Variants in ABLIM1 observed in about 807,000 individuals in gnomAD.
ABLIM1 encodes actin binding LIM protein 1.
ABLIM1 carries 40 observed loss-of-function variants against 107.0 expected under a neutral mutation model. The ratio of observed to expected loss-of-function variants is 0.37; its 90% CI spans 0.29 to 0.49. The LOEUF (loss-of-function observed/expected upper bound fraction) is 0.49. ABLIM1 is among the 20% of genes least tolerant of loss of function. ABLIM1 has a pLI of 0.97. For missense variants in ABLIM1, 857 were observed against 1,008.5 expected (o/e 0.85, Z 2.04); for synonymous variants, 357 against 357.3 (o/e 1.00, Z 0.01).
intron 5 of ABLIM1, among the ~76,000 whole-genome samples, chr10:114,546,399 T>C (rs2067348109): frequency 6.6e-6 from 1 of 151,180 alleles, no homozygotes; most frequent in Admixed American, 6.6e-5. Context: ...GTTCAAGCAA[T>C]TCTCCTGTCT....
chr10:114,592,588 G>A (rs1052345738), intron 2 of ABLIM1, among the ~76,000 whole-genome samples: 1 of 152,082 alleles, frequency 6.6e-6, no homozygotes, highest in African/African-American at 2.4e-5. Flanking sequence ...AAAGTGGGGT[G>A]GGACTGTGGG....
At chr10:114,663,038 C>A (rs1453888446), upstream of ABLIM1, among the ~76,000 whole-genome samples, 2 of 152,210 alleles carry the variant, frequency 1.3e-5, no homozygotes, top group Non-Finnish European at 2.9e-5. Flanking sequence ...AGTTGCTGCC[C>A]ACACATCACA....
chr10:114,516,861 GCAAAC>G (rs1260844648), intron 6 of ABLIM1, among the ~76,000 whole-genome samples: 13 of 152,176 alleles, frequency 8.5e-5, no homozygotes, highest in African/African-American at 2.9e-4. Context: ...TATCAGATAT[GCAAAC>G]ACTCTTCTCA....
rs115371742 is a variant in ABLIM1 at position 114,446,678 on chromosome 10, C to A, written c.1735+1202G>T. The stretch of plus-strand genomic sequence containing the variant: ...TAAATTCAACAACAAAAACTTAATT[C>A]TCCCTCTTTCCAAAATGTAGCTGCT... On this transcript the variant is annotated intron_variant, in intron 15 of 22. Transcript: ENST00000533213. Among the ~76,000 whole-genome samples the A allele has an allele frequency of 6.5e-3, 995 of 152,268 alleles. 12 individuals are homozygous for A. Among genetic ancestry groups the A allele is most frequent in the African/African-American group, 0.023 (951 of 41,548 alleles).
At chr10:114,493,916 C>A (rs977538913) in intron 6 of ABLIM1, among the ~76,000 whole-genome samples, 1 of 152,164 alleles carries the variant, frequency 6.6e-6, no homozygotes, top group African/African-American at 2.4e-5. Flanking sequence ...TGTAAGTTTA[C>A]GTGACAGAAT....
chr10:114,465,854 G>A, intron 11 of ABLIM1, 27 bp from the exon 12 acceptor site: 1 of 1,612,966 alleles, frequency 6.2e-7, no homozygotes, highest in South Asian at 1.1e-5. Context: ...ACACATTCAG[G>A]CTATCACCAT....
the ABLIM1 span, among the ~76,000 whole-genome samples, chr10:114,793,782 A>G: frequency 1.3e-5 from 2 of 152,176 alleles, no homozygotes; most frequent in African/African-American, 4.8e-5. Context: ...GCTGTACTGT[A>G]GTCTCCAAGT....
intron 1 of ABLIM1, chr10:114,690,740 G>A (rs779298935): frequency 2.8e-6 from 1 of 356,604 alleles, no homozygotes; most frequent in Non-Finnish European, 5.1e-6. Context: ...GGAGTGCAGT[G>A]GTGCGATCTC....
intron 2 of ABLIM1, among the ~76,000 whole-genome samples, chr10:114,588,946 A>G (rs7067893): frequency 0.012 from 1,862 of 152,200 alleles, 36 homozygotes; most frequent in African/African-American, 0.042. Context: ...TAATTTATGT[A>G]CCGCATAATG....
chr10:114,495,938 C>T (rs1282484295), intron 6 of ABLIM1, among the ~76,000 whole-genome samples: 1 of 152,140 alleles, frequency 6.6e-6, no homozygotes, highest in East Asian at 1.9e-4. Flanking sequence ...GCTGTAACTA[C>T]CTCACAATGA....
chr10:114,484,460 G>A (rs1197645348), intron 8 of ABLIM1, among the ~76,000 whole-genome samples: 6 of 152,034 alleles, frequency 3.9e-5, no homozygotes, highest in East Asian at 1.9e-4. Context: ...TTGGCTCACT[G>A]CAACCTCTGT....
At chr10:114,508,673 A>C (rs1216263332) in intron 6 of ABLIM1, among the ~76,000 whole-genome samples, 1 of 152,262 alleles carries the variant, frequency 6.6e-6, no homozygotes, top group East Asian at 1.9e-4. Context: ...TGGGCAACAA[A>C]GTGAGACCTT....
chr10:114,440,031 ATGGCT>A (rs1565210652), intron 20 of ABLIM1, 46 bp downstream of exon 20: 2 of 1,613,640 alleles, frequency 1.2e-6, no homozygotes, highest in South Asian at 2.2e-5. Context: ...GGGTTGGAAC[ATGGCT>A]GTTCTATCGG....
intron 2 of ABLIM1, among the ~76,000 whole-genome samples, chr10:114,578,703 G>A (rs2072952719): frequency 6.6e-6 from 1 of 151,346 alleles, no homozygotes; most frequent in South Asian, 2.1e-4. Context: ...ACCACGCCCA[G>A]CCAACATCAA....
At chr10:114,632,486 T>C (rs1312591858) in intron 1 of ABLIM1, 1 of 985,318 alleles carries the variant, frequency 1.0e-6, no homozygotes, top group Non-Finnish European at 1.2e-6. Flanking sequence ...AAATTGGCCT[T>C]AATGTAAAAC....
intron 1 of ABLIM1, among the ~76,000 whole-genome samples, chr10:114,739,716 A>T (rs927529894): frequency 1.3e-5 from 2 of 152,182 alleles, no homozygotes; most frequent in African/African-American, 4.8e-5. Context: ...CATTAAACAC[A>T]TCTTTCTGCC....
intron 2 of ABLIM1, 55 bp from the exon 3 acceptor site, chr10:114,575,654 C>A (rs977814578): frequency 1.3e-6 from 2 of 1,561,744 alleles, no homozygotes; most frequent in South Asian, 2.4e-5. Context: ...CCGGGCAGCA[C>A]TGCCTTTGAG....
At chr10:114,491,520 A>G (rs976265129) in intron 7 of ABLIM1, among the ~76,000 whole-genome samples, 37 of 152,146 alleles carry the variant, frequency 2.4e-4, no homozygotes, top group Non-Finnish European at 4.3e-4. Flanking sequence ...CTTCCCTCAC[A>G]TCCGAGCCAT....
chr10:114,438,254 TG>T (rs1212894517), intron 21 of ABLIM1, among the ~76,000 whole-genome samples: 1 of 152,158 alleles, frequency 6.6e-6, no homozygotes, highest in Non-Finnish European at 1.5e-5. Flanking sequence ...ACGTGTTTTT[TG>T]TTTTTGTTTT....
Sources: gnomAD v4.1 joint callset for allele counts (sites outside exome capture counted in the v4.1 genomes callset) on GRCh38, gnomAD v4.1.1 for gene constraint, MANE v1.5 for transcripts, NCBI Gene and HGNC (gene_info 2026-07-23, HGNC 2026-07-21) for gene names.